ZNF397: variants seen among roughly 807,000 people sequenced by gnomAD.
ZNF397 encodes zinc finger and SCAN domain-containing protein 15.
Under a neutral mutation model 50.6 loss-of-function variants are expected in ZNF397, and 38 were observed. The observed-to-expected ratio is 0.75, with a 90% CI of 0.58 to 0.98. ZNF397 has a LOEUF of 0.98. ZNF397 is among the 50% of genes least tolerant of loss of function. The pLI, the probability that ZNF397 is intolerant of heterozygous loss-of-function variation, is 0.00. For missense variants in ZNF397, 624 were observed against 624.1 expected (o/e 1.00, Z 0.00); for synonymous variants, 228 against 215.2 (o/e 1.06, Z -0.52).
At chr18:35,258,286 T>C in exon 6 of ZNF397, 1 of 355,552 alleles carries the variant, frequency 2.8e-6, no homozygotes, top group Non-Finnish European at 5.2e-6. Flanking sequence ...TTTTGCTAAG[T>C]CCAAGGACAT....
At chr18:35,252,012 C>G (rs144273720), downstream of ZNF397, 15 of 152,278 alleles carry the variant, frequency 9.9e-5, no homozygotes, top group African/African-American at 3.6e-4. Context: ...GAGAGAGTTA[C>G]AGGCAGAGGT....
chr18:35,243,770 T>TGGGAGGAGTAAATA (rs1188791102), intron 3 of ZNF397: 2 of 223,574 alleles, frequency 8.9e-6, no homozygotes, highest in African/African-American at 4.6e-5. Flanking sequence ...GGTAAATAGG[T>TGGGAGGAGTAAATA]GGGAGGAGGA....
chr18:35,244,400 G>T (rs985435521), intron 3 of ZNF397, among the ~76,000 whole-genome samples: 10 of 152,186 alleles, frequency 6.6e-5, no homozygotes, highest in Admixed American at 6.5e-4. Context: ...ATTAGCATAA[G>T]ACTCTAGAGC....
chr18:35,256,704 G>A (rs962189069), intron 5 of ZNF397, among the ~76,000 whole-genome samples: 1 of 152,162 alleles, frequency 6.6e-6, no homozygotes, highest in Non-Finnish European at 1.5e-5. Context: ...ATTTATAAGA[G>A]GCTCTTTGGA....
chr18:35,251,422 G>A (rs13298), downstream of ZNF397: 35,126 of 151,936 alleles, frequency 0.23, 4,785 homozygotes, highest in Non-Finnish European at 0.3. Flanking sequence ...ACTTCTGATC[G>A]ACCTCACTCG....
At chr18:35,257,204 G>A (rs1217570152) in intron 5 of ZNF397, 1 of 152,256 alleles carries the variant, frequency 6.6e-6, no homozygotes, top group Non-Finnish European at 1.5e-5. Flanking sequence ...TTTTAACTAG[G>A]GATGTGGCCT....
rs2043520007 is a variant in ZNF397 at position 35,248,617 on chromosome 18, G to A, written c.*2307G>A. On this transcript the variant is annotated 3_prime_UTR_variant, in exon 4 of 4. Transcript: ENST00000330501. The stretch of plus-strand genomic sequence containing the variant: ...GCACTTTGGGAGGCCAAGGCTGGAG[G>A]ATTGCTTGAGTCTAGGAGTTCAAGC... 6.6e-6 allele frequency: 1 copy of A among 152,300 alleles called. No homozygotes were observed. Among genetic ancestry groups the A allele is most frequent in the Non-Finnish European group, 1.5e-5 (1 of 68,120 alleles). The allele number at this position is 152,300 out of a possible 1,614,324, so 9.4% of individuals were successfully genotyped here.
In ZNF397 at chr18:35,243,355, G is replaced by A. The variant is rs17841889; in HGVS notation, c.556+62G>A. The A allele has an allele frequency of 5.6e-6, 9 of 1,611,634 alleles. No individual in the cohort carries two copies. The East Asian group carries it at 1.8e-4, about 32-fold the overall frequency. On this transcript the variant is annotated intron_variant, in intron 3 of 3. Coordinates refer to ENST00000330501, the MANE Select transcript of ZNF397 (RefSeq NM_001135178.3). The stretch of plus-strand genomic sequence containing the variant: ...TTAGGCCTCTGTTTTTGAGAATGCA[G>A]AATTAATTGCACTTGACAAACTTGC...
rs2043480604 is a variant in ZNF397 at position 35,246,284 on chromosome 18, C to T, written c.1579C>T (p.His527Tyr). Residue 527 changes from histidine (H) to tyrosine (Y), a missense_variant, in exon 4 of 4, where the codon CAT becomes TAT. His to Tyr is a moderately conservative substitution (Grantham distance 83). Transcript: ENST00000330501. ...AFRHRSVLMR[H>Y]QRVHTIK is the part of the protein sequence containing the mutation. Reference sequence around the variant, plus strand: ...CAGGCACAGATCGGTCCTTATGCGCCATCAAAGAGTCCACACTATAAAGTA... The same window carrying T: ...CAGGCACAGATCGGTCCTTATGCGCTATCAAAGAGTCCACACTATAAAGTA... 3 of 1,548,716 alleles carry T rather than the reference C, an allele frequency of 1.9e-6. No homozygotes were observed. Among genetic ancestry groups the T allele is most frequent in the Non-Finnish European group, 2.6e-6 (3 of 1,145,940 alleles).
At position 35,249,637 on chromosome 18, in the gene ZNF397, A is replaced by G. The variant is rs2043539382; in HGVS notation, c.*3327A>G. The G allele has an allele frequency of 7.8e-6, 1 of 128,394 alleles. No individual in the cohort carries two copies. Among genetic ancestry groups the G allele is most frequent in the African/African-American group, 3.0e-5 (1 of 33,772 alleles). 8.0% of individuals were successfully genotyped at this position (128,394 alleles called of 1,614,324 possible). ...CACTGTATTCCAGCCTGGGTGACAG[A>G]GTGAGACTGTGTCTCAAAAAAAAAA... is the stretch of plus-strand genomic sequence containing the variant. On this transcript the variant is annotated 3_prime_UTR_variant, in exon 4 of 4. Transcript: ENST00000330501.
intron 1 of ZNF397, among the ~76,000 whole-genome samples, chr18:35,241,928 AG>A: frequency 6.6e-6 from 1 of 151,830 alleles, no homozygotes; most frequent in Middle Eastern, 3.4e-3. Flanking sequence ...TGCTTTAGAT[AG>A]AAAGTAAGTA....
downstream of ZNF397, chr18:35,253,616 G>A (rs749468876): frequency 1.2e-6 from 2 of 1,613,942 alleles, no homozygotes; most frequent in South Asian, 2.2e-5. Flanking sequence ...ACATTCATAA[G>A]GTTTCTCTCC....
In ZNF397 at chr18:35,242,499, C is replaced by T; in HGVS notation, c.29C>T (p.Thr10Ile). 1 of 1,613,870 alleles carries T rather than the reference C, an allele frequency of 6.2e-7. No homozygotes were observed. Among genetic ancestry groups the T allele is most frequent in the Non-Finnish European group, 8.5e-7 (1 of 1,179,852 alleles). The change falls in exon 2 of 4, where the codon ACC (threonine) becomes ATC (isoleucine). Residue 10 changes from threonine (T) to isoleucine (I), a missense_variant. Coordinates refer to ENST00000330501, the MANE Select transcript of ZNF397 (RefSeq NM_001135178.3). ...GCTGTGGAATCTGGAGTGATTTCAA[C>T]CCTGATACCTCAGGATCCTCCGGAA... MAVESGVIS[T>I]LIPQDPPEQE... is the part of the protein sequence containing the mutation.
At chr18:35,255,296 C>T (rs2043764670) in intron 5 of ZNF397, among the ~76,000 whole-genome samples, 1 of 151,450 alleles carries the variant, frequency 6.6e-6, no homozygotes, top group South Asian at 2.1e-4. Flanking sequence ...CATATTATGT[C>T]AGCCATCTAC....
chr18:35,254,377 G>A, downstream of ZNF397: 1 of 1,613,876 alleles, frequency 6.2e-7, no homozygotes, highest in Non-Finnish European at 8.5e-7. Flanking sequence ...CCACCATCCT[G>A]CCATCTAAAA....
At chr18:35,255,348 A>G (rs889369394) in intron 5 of ZNF397, among the ~76,000 whole-genome samples, 1 of 151,882 alleles carries the variant, frequency 6.6e-6, no homozygotes, top group Non-Finnish European at 1.5e-5. Context: ...AATGGCTGAT[A>G]TAACTTGAAT....
rs1325554304 is a variant in ZNF397 at position 35,246,724 on chromosome 18, C to A, written c.*414C>A. On this transcript the variant is annotated 3_prime_UTR_variant, in exon 4 of 4. Transcript: ENST00000330501. ...TCAGGAACTAAAAAAAAAAAAAAAA[C>A]TGACCCAATAAAGAACAGTGACAGA... is the stretch of plus-strand genomic sequence containing the variant. The A allele has an allele frequency of 1.5e-4, 134 of 867,862 alleles. No individual in the cohort carries two copies. The highest frequency in any genetic ancestry group is 1.7e-4 in the Non-Finnish European group (125 of 725,200). 53.8% of individuals were successfully genotyped at this position (867,862 alleles called of 1,614,324 possible).
downstream of ZNF397, chr18:35,251,674 A>AT (rs2143632822): frequency 6.6e-6 from 1 of 152,140 alleles, no homozygotes; most frequent in Admixed American, 6.5e-5. Context: ...AGTGCCTAGC[A>AT]TTTCCCCTGC....
downstream of ZNF397, chr18:35,254,122 A>G: frequency 6.2e-7 from 1 of 1,614,146 alleles, no homozygotes; most frequent in Non-Finnish European, 8.5e-7. Flanking sequence ...ATTCAAGGAC[A>G]CTGTGTTCTG....
Sources: gnomAD v4.1 joint callset for allele counts (sites outside exome capture counted in the v4.1 genomes callset) on GRCh38, gnomAD v4.1.1 for gene constraint, MANE v1.5 for transcripts, NCBI Gene and HGNC (gene_info 2026-07-23, HGNC 2026-07-21) for gene names.